HEPHL1: variants seen among roughly 807,000 people sequenced by gnomAD.
HEPHL1 encodes ferroxidase HEPHL1.
In HEPHL1, 123 loss-of-function variants were observed where a neutral mutation model predicts 122.0. The observed-to-expected ratio is 1.01, with a 90% CI of 0.87 to 1.17. The LOEUF is 1.17. Ranked by LOEUF, HEPHL1 falls within the 50% of genes most tolerant of loss-of-function variation. HEPHL1 has a pLI of 0.00. For missense variants in HEPHL1, 1,452 were observed against 1,430.5 expected, an observed-to-expected ratio of 1.01 and a Z score of -0.24; for synonymous variants, 527 against 508.9, an observed-to-expected ratio of 1.04 and a Z score of -0.48.
At chr11:94,085,195 C>A (rs900358313) in intron 10 of HEPHL1, among the ~76,000 whole-genome samples, 1 of 152,148 alleles carries the variant, frequency 6.6e-6, no homozygotes. Flanking sequence ...GGTGAGAATG[C>A]GGTTTCTAAA....
chr11:94,035,511 T>C (rs1945712645), intron 1 of HEPHL1, among the ~76,000 whole-genome samples: 1 of 152,182 alleles, frequency 6.6e-6, no homozygotes, highest in African/African-American at 2.4e-5. Context: ...TCTTTTATTA[T>C]ACTTTAAGTT....
At chr11:94,098,252 T>C (rs542372816) in intron 13 of HEPHL1, among the ~76,000 whole-genome samples, 1 of 152,320 alleles carries the variant, frequency 6.6e-6, no homozygotes, top group African/African-American at 2.4e-5. Flanking sequence ...CTGTAAAGGA[T>C]TTTATTTCTC....
rs1329864211 is a variant in HEPHL1, at chr11:94,055,657, ATG to A, written c.416-7848_416-7847del. 3 of 392,128 alleles carry A rather than the reference ATG, an allele frequency of 7.7e-6. No homozygotes were observed. The Admixed American group carries it at 9.2e-5, about 12-fold the overall frequency. The allele number at this position is 392,128 out of a possible 1,614,324, so 24.3% of individuals were successfully genotyped here. A position where few individuals can be genotyped will look rare whatever the true frequency, so the allele number is the denominator to read the frequency against. On this transcript the variant is annotated intron_variant, in intron 2 of 19. Coordinates refer to ENST00000315765, the MANE Select transcript of HEPHL1 (RefSeq NM_001098672.2). ...ATAGTCCTTTCCAATGCTGGTGAAG[ATG>A]TGAGGAAGCTGGCTAGTGACAGGCT...
Position 94,086,169 on chromosome 11 carries a change from T to A in HEPHL1, c.2060T>A (p.Phe687Tyr). 6.2e-7 allele frequency: 1 copy of A among 1,611,404 alleles called. No individual in the cohort carries two copies. The highest frequency in any genetic ancestry group is 2.2e-5 in the East Asian group (1 of 44,816). Reference protein sequence around the residue: ...ALFPHMATTAFMQPDHAGIFR... With the variant: ...ALFPHMATTAYMQPDHAGIFR... ...TTTCCCCACATGGCCACAACAGCAT[T>A]CATGCAGCCAGACCATGCAGGTAAA... Residue 687 changes from phenylalanine (F) to tyrosine (Y), a missense_variant, in exon 11 of 20, where the codon TTC (phenylalanine) becomes TAC (tyrosine). Transcript: ENST00000315765.
chr11:94,070,442 C>G lies in HEPHL1; in HGVS notation c.1132C>G (p.Gln378Glu). Reference sequence around the variant, plus strand: ...TATTTTCTACCCCAAGATGAAGGGTCAACAGAGGCGCTACTTTATAGCAGC... The same window carrying G: ...TATTTTCTACCCCAAGATGAAGGGTGAACAGAGGCGCTACTTTATAGCAGC... Reference protein sequence around the residue: ...SDIFYPKMKGQQRRYFIAAEK... With the variant: ...SDIFYPKMKGEQRRYFIAAEK... The change falls in exon 6 of 20, where the codon CAA (glutamine) becomes GAA (glutamate). Residue 378 changes from glutamine (Q) to glutamate (E), a missense_variant. By Grantham distance (29) the Gln-to-Glu change is conservative. Transcript: ENST00000315765. The G allele has an allele frequency of 6.2e-7, 1 of 1,607,544 alleles. No homozygotes were observed. The highest frequency in any genetic ancestry group is 8.5e-7 in the Non-Finnish European group (1 of 1,176,674).
intron 1 of HEPHL1, among the ~76,000 whole-genome samples, chr11:94,022,275 T>G (rs1251260475): frequency 1.3e-5 from 2 of 152,220 alleles, no homozygotes; most frequent in African/African-American, 4.8e-5. Context: ...GATCTCCCTC[T>G]GAAGTCACCT....
At chr11:94,074,062 G>A (rs1038387046) in intron 8 of HEPHL1, among the ~76,000 whole-genome samples, 1 of 152,042 alleles carries the variant, frequency 6.6e-6, no homozygotes, top group Non-Finnish European at 1.5e-5. Flanking sequence ...CTAGTTCCTT[G>A]GTACTCATCC....
intron 17 of HEPHL1, among the ~76,000 whole-genome samples, chr11:94,107,183 G>A (rs369606514): frequency 5.3e-5 from 8 of 152,174 alleles, no homozygotes; most frequent in African/African-American, 1.4e-4. Flanking sequence ...AGTTAGACAC[G>A]AATAAACGGT....
rs1946179094 is a variant in HEPHL1, at chr11:94,082,478, T to C, written c.1777T>C (p.Tyr593His). The C allele has an allele frequency of 6.2e-7, 1 of 1,612,604 alleles. No individual in the cohort carries two copies. Among genetic ancestry groups the C allele is most frequent in the African/African-American group, 1.3e-5 (1 of 74,892 alleles). The change falls in exon 10 of 20, where the codon TAT (tyrosine) becomes CAT (histidine). Residue 593 changes from tyrosine (Y) to histidine (H), a missense_variant. Physicochemically the swap from Tyr to His is moderately conservative, Grantham distance 83 (BLOSUM62 2). Transcript: ENST00000315765. ...AGTCTTTGATGAGAATCTGAGCAGA[T>C]ATTTTGATGAAAACATTCAGAAGTT... ...FTVFDENLSR[Y>H]FDENIQKFIW...
At chr11:94,075,807 G>A (rs1412099415) in intron 9 of HEPHL1, among the ~76,000 whole-genome samples, 3 of 152,132 alleles carry the variant, frequency 2.0e-5, no homozygotes, top group Non-Finnish European at 4.4e-5. Flanking sequence ...TGATTCCAAT[G>A]TGCAGCCAAC....
At position 94,042,603 on chromosome 11, in the gene HEPHL1, T is replaced by C. The variant is rs1215658625; in HGVS notation, c.171-3070T>C. Among the ~76,000 whole-genome samples the C allele has an allele frequency of 2.6e-5, 4 of 151,470 alleles. No individual in the cohort carries two copies. The South Asian group carries it at 6.3e-4, about 24-fold the overall frequency. The stretch of plus-strand genomic sequence containing the variant: ...ACATGGATGAAATTGGAAACCATCA[T>C]TCTCAGTAAACTATCGCGAGAACAA... On this transcript the variant is annotated intron_variant, in intron 1 of 19. Coordinates refer to ENST00000315765, the MANE Select transcript of HEPHL1 (RefSeq NM_001098672.2).
intron 1 of HEPHL1, among the ~76,000 whole-genome samples, chr11:94,039,589 A>C (rs1181667137): frequency 6.6e-6 from 1 of 151,916 alleles, no homozygotes; most frequent in East Asian, 1.9e-4. Flanking sequence ...GCTCAACTAC[A>C]TGGAAACTGA....
intron 9 of HEPHL1, among the ~76,000 whole-genome samples, 181 bp from the exon 10 acceptor site, chr11:94,082,237 G>T (rs781194993): frequency 8.5e-5 from 13 of 152,224 alleles, no homozygotes; most frequent in Non-Finnish European, 1.8e-4. Context: ...AATTTTCTGA[G>T]TGGGGAATAA....
chr11:94,075,398 G>T lies in HEPHL1; in HGVS notation c.1716+13G>T, dbSNP rs775590369. ...TGATGGGACACAGGTAGGCCATTGA[G>T]TGTCACCAGTTCTTCTCAGGGTTGT... is the stretch of plus-strand genomic sequence containing the variant. On this transcript the variant is annotated intron_variant, in intron 9 of 19. Coordinates refer to ENST00000315765, the MANE Select transcript of HEPHL1 (RefSeq NM_001098672.2). 15 of 1,599,390 alleles carry T rather than the reference G, an allele frequency of 9.4e-6. No homozygotes were observed. In the Admixed American group the frequency reaches 2.5e-4, roughly 27 times the overall value.
intron 14 of HEPHL1, among the ~76,000 whole-genome samples, chr11:94,101,759 A>AT (rs1183146306): frequency 6.6e-6 from 1 of 151,968 alleles, no homozygotes; most frequent in African/African-American, 2.4e-5. Flanking sequence ...TCTGGTGTTT[A>AT]TTTTTTCCTC....
intron 9 of HEPHL1, among the ~76,000 whole-genome samples, chr11:94,080,626 C>A (rs568669570): frequency 1.2e-3 from 176 of 152,148 alleles, no homozygotes; most frequent in African/African-American, 3.7e-3. Context: ...AAAAAGTGGG[C>A]AAAAGACGTG....
chr11:94,063,619 C>T lies in HEPHL1; in HGVS notation c.527C>T (p.Pro176Leu), dbSNP rs749893723. 3.1e-6 allele frequency: 5 copies of T among 1,613,740 alleles called. No homozygotes were observed. The highest frequency in any genetic ancestry group is 4.2e-6 in the Non-Finnish European group (5 of 1,179,836). Residue 176 changes from proline to leucine, a missense_variant, in exon 3 of 20, where the codon CCA (proline) becomes CTA (leucine). Pro to Leu is a moderately conservative substitution (Grantham distance 98). Transcript: ENST00000315765. ...WPVREEYAPTPADANCLTWVY... is the reference protein window; with the variant it reads ...WPVREEYAPTLADANCLTWVY... ...GTGAGAGAAGAATATGCACCTACTC[C>T]AGCCGATGCCAACTGCCTGACCTGG...
intron 2 of HEPHL1, among the ~76,000 whole-genome samples, chr11:94,053,075 T>A (rs1410583064): frequency 1.3e-5 from 2 of 152,086 alleles, no homozygotes; most frequent in African/African-American, 4.8e-5. Context: ...TTGTTAGAAT[T>A]TTTATATAAA....
chr11:94,071,866 G>A (rs556358174), intron 6 of HEPHL1, among the ~76,000 whole-genome samples: 1 of 152,172 alleles, frequency 6.6e-6, no homozygotes, highest in South Asian at 2.1e-4. Flanking sequence ...TAGATGGAGG[G>A]GTTGATGCAA....
Sources: allele counts gnomAD v4.1 joint callset (sites outside exome capture counted in the v4.1 genomes callset), GRCh38; gene constraint gnomAD v4.1.1; transcripts MANE v1.5; gene names NCBI Gene and HGNC (gene_info 2026-07-23, HGNC 2026-07-21).